Variants in ZNF334 observed in about 807,000 individuals in gnomAD.
ZNF334 encodes the protein zinc finger protein 334.
In ZNF334, 14 loss-of-function variants were observed where a neutral mutation model predicts 12.4. The observed-to-expected ratio is 1.13, with a 90% CI of 0.74 to 1.76. The LOEUF (loss-of-function observed/expected upper bound fraction) is 1.76. Among genes scored for constraint, ZNF334 ranks in the 40% most tolerant of loss-of-function variants. ZNF334 has a pLI of 0.00. For synonymous variants in ZNF334, 273 were observed against 269.6 expected (o/e 1.01, Z -0.12); for missense variants, 797 against 804.5 (o/e 0.99, Z 0.11).
the ZNF334 span, among the ~76,000 whole-genome samples, chr20:46,486,855 CT>C: frequency 6.6e-6 from 1 of 152,082 alleles, no homozygotes; most frequent in Non-Finnish European, 1.5e-5. Context: ...GTTTTGTCTC[CT>C]TGTTTTAATT....
Position 46,505,141 on chromosome 20 carries a change from T to C in ZNF334, c.22-401A>G, listed in dbSNP as rs554023623. ...TGTTACCCCTTCCTTGAGAGCATAA[T>C]AATTTTAGTCCTGAAATATAAACAG... On this transcript the variant is annotated intron_variant, in intron 2 of 4. Coordinates refer to ENST00000692313, the MANE Select transcript of ZNF334 (RefSeq NM_001353824.2). The C allele has an allele frequency of 1.2e-4, 19 of 156,038 alleles. No individual in the cohort carries two copies. In the East Asian group the frequency reaches 2.3e-3, roughly 19 times the overall value. 9.7% of individuals were successfully genotyped at this position (156,038 alleles called of 1,614,324 possible).
chr20:46,505,093 A>C, intron 2 of ZNF334: 1 of 169,494 alleles, frequency 5.9e-6, no homozygotes, highest in Non-Finnish European at 1.2e-5. Flanking sequence ...GTGATCACAA[A>C]AGAAGAAAGC....
intron 2 of ZNF334, among the ~76,000 whole-genome samples, chr20:46,510,748 A>G (rs1248377132): frequency 8.7e-6 from 1 of 114,380 alleles, no homozygotes; most frequent in Non-Finnish European, 1.8e-5. Context: ...ATAGAGTGAG[A>G]GCCCATTTCA....
At chr20:46,496,550 C>T (rs1473628144), downstream of ZNF334, among the ~76,000 whole-genome samples, 3 of 152,196 alleles carry the variant, frequency 2.0e-5, no homozygotes, top group African/African-American at 7.2e-5. Context: ...GTCACTTTGG[C>T]TTAGCTGATT....
At position 46,500,737 on chromosome 20, in the gene ZNF334, G is replaced by A. The variant is rs1382497123; in HGVS notation, c.*559C>T. 6.5e-6 allele frequency: 1 copy of A among 153,260 alleles called. No homozygotes were observed. The highest frequency in any genetic ancestry group is 1.5e-5 in the Non-Finnish European group (1 of 68,830). The allele number at this position is 153,260 out of a possible 1,614,324, so 9.5% of individuals were successfully genotyped here. A position where few individuals can be genotyped will look rare whatever the true frequency, so the allele number is the denominator to read the frequency against. On this transcript the variant is annotated 3_prime_UTR_variant, in exon 5 of 5. Coordinates refer to ENST00000692313, the MANE Select transcript of ZNF334 (RefSeq NM_001353824.2). ...CTCAGCTTTACAAAATGCTCACCTGGGGTATAATTACCATGGGTGCATAGA... is the reference window on the plus strand; with the variant it reads ...CTCAGCTTTACAAAATGCTCACCTGAGGTATAATTACCATGGGTGCATAGA...
intron 2 of ZNF334, among the ~76,000 whole-genome samples, chr20:46,507,494 T>G (rs561752405): frequency 6.6e-6 from 1 of 152,354 alleles, no homozygotes; most frequent in East Asian, 1.9e-4. Context: ...CATGTGAATT[T>G]CCTGGTTCTG....
rs1172300913 is a variant in ZNF334, at chr20:46,502,123, C to T, written c.1216G>A (p.Glu406Lys). The change falls in exon 5 of 5, where the codon GAA becomes AAA. Residue 406 changes from glutamate (E) to lysine (K), a missense_variant. Glu to Lys is a moderately conservative substitution (Grantham distance 56, BLOSUM62 1). Transcript: ENST00000692313. ...AAGGTTTTCTCACATTCACTACATTCATAGGGTTTTTCCCCTGTGTGAATT... is the reference window on the plus strand; with the variant it reads ...AAGGTTTTCTCACATTCACTACATTTATAGGGTTTTTCCCCTGTGTGAATT... ...QRIHTGEKPY[E>K]CSECEKTFFC... 1 of 1,614,198 alleles carries T rather than the reference C, an allele frequency of 6.2e-7. No homozygotes were observed. The highest frequency in any genetic ancestry group is 1.1e-5 in the South Asian group (1 of 91,084).
chr20:46,511,509 C>T (rs143262469), intron 2 of ZNF334, among the ~76,000 whole-genome samples: 1 of 152,276 alleles, frequency 6.6e-6, no homozygotes, highest in Non-Finnish European at 1.5e-5. Flanking sequence ...GTTTTACCTA[C>T]AGAATATAAT....
Position 46,502,622 on chromosome 20 carries a change from A to G in ZNF334, c.717T>C (p.Cys239=). 1 of 1,613,216 alleles carries G rather than the reference A, an allele frequency of 6.2e-7. No homozygotes were observed. Among genetic ancestry groups the G allele is most frequent in the South Asian group, 1.1e-5 (1 of 91,080 alleles). The change falls in exon 5 of 5, where the codon TGT becomes TGC. Residue 239 remains cysteine, a synonymous_variant. Transcript: ENST00000692313. ...GRQTERKPNE[C]NECRKTFSKR... ...TAGAAAAGGTTTTCCTACATTCATT[A>G]CATTCATTTGGTTTCCTTTCAGTCT... is the stretch of plus-strand genomic sequence containing the variant.
At chr20:46,490,822 C>A in the ZNF334 span, 1 of 152,120 alleles carries the variant, frequency 6.6e-6, no homozygotes, top group Non-Finnish European at 1.5e-5. Context: ...ATATTGTTTT[C>A]CTACTAGCAT....
At chr20:46,480,765 T>C in the ZNF334 span, among the ~76,000 whole-genome samples, 10 of 152,184 alleles carry the variant, frequency 6.6e-5, no homozygotes, top group Non-Finnish European at 8.8e-5. Flanking sequence ...AGATGCATGC[T>C]GGGCTTGCTA....
the ZNF334 span, among the ~76,000 whole-genome samples, chr20:46,487,762 A>T: frequency 6.6e-6 from 1 of 152,220 alleles, no homozygotes; most frequent in South Asian, 2.1e-4. Flanking sequence ...GTATTTTCCT[A>T]ACGTCTACTT....
downstream of ZNF334, among the ~76,000 whole-genome samples, chr20:46,497,506 GGAA>G (rs2061043533): frequency 6.6e-6 from 1 of 152,052 alleles, no homozygotes; most frequent in African/African-American, 2.4e-5. Context: ...AAGAGAAGAG[GGAA>G]GAAGAGATTA....
chr20:46,470,381 T>C, the ZNF334 span, among the ~76,000 whole-genome samples: 1 of 152,142 alleles, frequency 6.6e-6, no homozygotes, highest in African/African-American at 2.4e-5. Flanking sequence ...TGTGCTCCAT[T>C]GAGGTGACCA....
chr20:46,466,631 G>A, the ZNF334 span, among the ~76,000 whole-genome samples: 1 of 152,034 alleles, frequency 6.6e-6, no homozygotes, highest in Non-Finnish European at 1.5e-5. Context: ...TTACAGGTAC[G>A]CACCATCGCA....
chr20:46,463,891 G>T, the ZNF334 span: 1 of 467,310 alleles, frequency 2.1e-6, no homozygotes. Flanking sequence ...CACGCAAGGT[G>T]GCTACTGAGC....
At chr20:46,472,805 C>G in the ZNF334 span, among the ~76,000 whole-genome samples, 1 of 152,102 alleles carries the variant, frequency 6.6e-6, no homozygotes, top group African/African-American at 2.4e-5. Flanking sequence ...CCTGACTGCA[C>G]GGGGGCAAGG....
chr20:46,502,235 T>C lies in ZNF334; in HGVS notation c.1104A>G (p.Gln368=), dbSNP rs903732868. The change falls in exon 5 of 5, where the codon CAA becomes CAG. Residue 368 remains glutamine (Q), a synonymous_variant. Coordinates refer to ENST00000692313, the MANE Select transcript of ZNF334 (RefSeq NM_001353824.2). ...FSKKSYLVVH[Q]RTHRGEKPNE... Reference sequence around the variant, plus strand: ...TTGGCTTCTCTCCTCTGTGAGTTCTTTGATGTACAACAAGATACGATTTCT... The same window carrying C: ...TTGGCTTCTCTCCTCTGTGAGTTCTCTGATGTACAACAAGATACGATTTCT... The C allele has an allele frequency of 1.9e-6, 3 of 1,614,106 alleles. No homozygotes were observed. The highest frequency in any genetic ancestry group is 2.5e-6 in the Non-Finnish European group (3 of 1,179,998).
Position 46,501,946 on chromosome 20 carries a change from C to G in ZNF334, c.1393G>C (p.Glu465Gln). ...HRGKKSYECNECGKFFCHKST... is the reference protein window; with the variant it reads ...HRGKKSYECNQCGKFFCHKST... ...TTATGGCAGAAAAATTTCCCACATT[C>G]ATTACATTCATAAGACTTCTTTCCT... The change falls in exon 5 of 5, where the codon GAA (glutamate) becomes CAA (glutamine). Residue 465 changes from glutamate to glutamine, a missense_variant. Coordinates refer to ENST00000692313, the MANE Select transcript of ZNF334 (RefSeq NM_001353824.2). 6.2e-7 allele frequency: 1 copy of G among 1,614,038 alleles called. No homozygotes were observed. The highest frequency in any genetic ancestry group is 8.5e-7 in the Non-Finnish European group (1 of 1,180,028).
Sources: allele counts gnomAD v4.1 joint callset (sites outside exome capture counted in the v4.1 genomes callset), GRCh38; gene constraint gnomAD v4.1.1; transcripts MANE v1.5; gene names NCBI Gene and HGNC (gene_info 2026-07-23, HGNC 2026-07-21).